LEKR1: variants seen among roughly 807,000 people sequenced by gnomAD.
LEKR1 encodes the protein leucine, glutamate and lysine rich 1.
A neutral mutation model predicts 72.4 loss-of-function variants in LEKR1; 59 were observed. That is an observed-to-expected ratio of 0.82 (90% confidence interval 0.66 to 1.01). LEKR1 has a LOEUF of 1.01. Ranked by LOEUF, LEKR1 falls within the 50% of genes least tolerant of loss-of-function variation. The probability of loss-of-function intolerance (pLI) is 0.00; values close to 1 mark genes in which losing one functional copy is unlikely to be tolerated. For synonymous variants in LEKR1, 257 were observed against 263.2 expected (o/e 0.98, Z 0.23); for missense variants, 728 against 759.2 (o/e 0.96, Z 0.48).
At chr3:157,014,186 T>G (rs958291038) in intron 10 of LEKR1, among the ~76,000 whole-genome samples, 12 of 152,100 alleles carry the variant, frequency 7.9e-5, no homozygotes, top group African/African-American at 2.7e-4. Context: ...ATCGCATTAT[T>G]TAATCACTAT....
chr3:156,970,876 G>A (rs1729111113), intron 6 of LEKR1, among the ~76,000 whole-genome samples: 3 of 151,978 alleles, frequency 2.0e-5, no homozygotes, highest in African/African-American at 7.2e-5. Context: ...CATGCTCATG[G>A]GTAGGAAGAA....
chr3:156,933,852 C>T (rs149647342), intron 5 of LEKR1, among the ~76,000 whole-genome samples: 27 of 152,260 alleles, frequency 1.8e-4, no homozygotes, highest in Admixed American at 3.3e-4. Context: ...CACTGACATC[C>T]CCTTTGTGTA....
At chr3:156,983,458 G>T (rs1335994185) in intron 7 of LEKR1, among the ~76,000 whole-genome samples, 1 of 152,180 alleles carries the variant, frequency 6.6e-6, no homozygotes, top group East Asian at 1.9e-4. Flanking sequence ...CAGATTTCTG[G>T]GCTCCTTTTC....
chr3:156,973,912 C>G (rs1367717659), intron 6 of LEKR1, among the ~76,000 whole-genome samples: 1 of 152,068 alleles, frequency 6.6e-6, no homozygotes, highest in Non-Finnish European at 1.5e-5. Flanking sequence ...AAAGCAGGAG[C>G]CTTTATTCAG....
chr3:156,938,317 C>A (rs553452965), intron 5 of LEKR1, among the ~76,000 whole-genome samples: 2 of 152,258 alleles, frequency 1.3e-5, no homozygotes, highest in East Asian at 3.9e-4. Flanking sequence ...CTACACATTT[C>A]TTTGCAACTT....
chr3:156,888,499 G>C (rs1349642557), intron 3 of LEKR1: 2 of 641,702 alleles, frequency 3.1e-6, no homozygotes, highest in African/African-American at 3.6e-5. Context: ...TACTAAGCCA[G>C]AAGATTTTGG....
At chr3:156,977,754 G>T (rs548587345) in intron 6 of LEKR1, 3 of 234,720 alleles carry the variant, frequency 1.3e-5, no homozygotes, top group Non-Finnish European at 2.7e-5. Context: ...TCTTTTTGGT[G>T]CCTGGACTGT....
intron 3 of LEKR1, among the ~76,000 whole-genome samples, chr3:156,898,673 A>AT (rs948507427): frequency 2.0e-5 from 3 of 152,268 alleles, no homozygotes; most frequent in Admixed American, 1.3e-4. Context: ...GGAAAAAAAA[A>AT]CCCAAAACTA....
intron 6 of LEKR1, among the ~76,000 whole-genome samples, chr3:156,947,181 A>C (rs1440849163): frequency 1.3e-5 from 2 of 150,738 alleles, no homozygotes; most frequent in East Asian, 3.9e-4. Context: ...TCTTGCTTTA[A>C]GATGCATTGT....
intron 9 of LEKR1, among the ~76,000 whole-genome samples, chr3:157,009,347 C>A (rs897460557): frequency 2.6e-5 from 4 of 152,056 alleles, no homozygotes; most frequent in Non-Finnish European, 4.4e-5. Context: ...ATTTATAGCA[C>A]ATCTTAACTT....
At chr3:156,859,296 T>TG (rs1424623977) in intron 3 of LEKR1, among the ~76,000 whole-genome samples, 1 of 152,216 alleles carries the variant, frequency 6.6e-6, no homozygotes, top group African/African-American at 2.4e-5. Flanking sequence ...TGGGGGTATA[T>TG]AAAACCATCT....
chr3:156,844,042 A>G (rs1714265349), intron 2 of LEKR1, among the ~76,000 whole-genome samples: 1 of 152,168 alleles, frequency 6.6e-6, no homozygotes, highest in Non-Finnish European at 1.5e-5. Flanking sequence ...TTGTAGTCAA[A>G]AATACTTTTG....
intron 6 of LEKR1, among the ~76,000 whole-genome samples, chr3:156,970,668 C>G (rs1560116378): frequency 6.6e-6 from 1 of 152,032 alleles, no homozygotes; most frequent in Non-Finnish European, 1.5e-5. Flanking sequence ...AATCAATGTG[C>G]AAAAATCACA....
chr3:156,963,239 C>T (rs1728277363), intron 6 of LEKR1, among the ~76,000 whole-genome samples: 1 of 152,168 alleles, frequency 6.6e-6, no homozygotes, highest in African/African-American at 2.4e-5. Context: ...CTCTGTCATA[C>T]ACGGCTTCTA....
intron 9 of LEKR1, among the ~76,000 whole-genome samples, chr3:156,998,654 A>G (rs949261864): frequency 1.3e-5 from 2 of 152,202 alleles, no homozygotes; most frequent in African/African-American, 4.8e-5. Flanking sequence ...AATAATATAC[A>G]TCTGCATCTG....
chr3:156,968,704 A>G (rs1728862790), intron 6 of LEKR1, among the ~76,000 whole-genome samples: 2 of 152,200 alleles, frequency 1.3e-5, no homozygotes, highest in African/African-American at 4.8e-5. Context: ...TCAACATTAG[A>G]CAGATCAATG....
rs565008657 is a variant in LEKR1 at position 156,881,493 on chromosome 3, A to G, written c.263+28511A>G. 2.0e-5 allele frequency among the ~76,000 whole-genome samples: 3 copies of G among 152,282 alleles called. No homozygotes were observed. The East Asian group carries it at 5.8e-4, about 29-fold the overall frequency. On this transcript the variant is annotated intron_variant, in intron 3 of 12. Coordinates refer to ENST00000356539, the MANE Select transcript of LEKR1 (RefSeq NM_001004316.3). ...GAACTACAAACCACTGTTCAAGGAA[A>G]TAAAAGAGGATACAAACAAATGGAA...
chr3:156,972,406 A>G (rs1560117814), intron 6 of LEKR1, among the ~76,000 whole-genome samples: 1 of 152,138 alleles, frequency 6.6e-6, no homozygotes. Flanking sequence ...TGACGAGTTA[A>G]TGGGTGCAGC....
intron 2 of LEKR1, among the ~76,000 whole-genome samples, chr3:156,850,552 T>G (rs916864865): frequency 6.6e-6 from 1 of 152,234 alleles, no homozygotes; most frequent in Non-Finnish European, 1.5e-5. Flanking sequence ...TCAGCTTCTG[T>G]CTCTGTGTCT....
Sources: gnomAD v4.1 joint callset for allele counts (sites outside exome capture counted in the v4.1 genomes callset) on GRCh38, gnomAD v4.1.1 for gene constraint, MANE v1.5 for transcripts, NCBI Gene and HGNC (gene_info 2026-07-23, HGNC 2026-07-21) for gene names.